The following TMEM242 variants were observed in gnomAD, a reference collection of about 807,000 sequenced individuals.
TMEM242 encodes UPF0463 transmembrane protein C6orf35.
Under a neutral mutation model 18.2 loss-of-function variants are expected in TMEM242, and 10 were observed. That is an observed-to-expected ratio of 0.55 (90% CI 0.34 to 0.93). The LOEUF is 0.93. TMEM242 is among the 40% of genes least tolerant of loss of function. The pLI, the probability that TMEM242 is intolerant of heterozygous loss-of-function variation, is 0.02. For synonymous variants in TMEM242, 57 were observed against 69.9 expected (o/e 0.81, Z 0.92); for missense variants, 186 against 175.5 (o/e 1.06, Z -0.34).
intron 3 of TMEM242, among the ~76,000 whole-genome samples, chr6:157,302,068 C>T (rs1217849465): frequency 6.6e-6 from 1 of 152,188 alleles, no homozygotes; most frequent in Admixed American, 6.5e-5. Context: ...TTTTCCCTAT[C>T]AGTAAGGATC....
chr6:157,317,961 C>T (rs1198530729), intron 3 of TMEM242, among the ~76,000 whole-genome samples: 1 of 152,186 alleles, frequency 6.6e-6, no homozygotes, highest in Non-Finnish European at 1.5e-5. Flanking sequence ...ACAGAACTTC[C>T]AACCAGTTGT....
At chr6:157,300,227 G>C (rs1777809724) in intron 3 of TMEM242, 1 of 414,210 alleles carries the variant, frequency 2.4e-6, no homozygotes, top group African/African-American at 2.0e-5. Context: ...AGCCCTCTGT[G>C]GCGAGTGCGC....
In TMEM242 at chr6:157,299,470, G is replaced by A. The variant is rs1463593347; in HGVS notation, c.328-6471C>T. On this transcript the variant is annotated intron_variant, in intron 3 of 3. Coordinates refer to ENST00000400788, the MANE Select transcript of TMEM242 (RefSeq NM_018452.6). ...TCCATCCGTGGCAGTTTTCAGAGTG[G>A]ATACCAAGCTTTTGTCCAAACAAGA... 1.2e-5 allele frequency: 17 copies of A among 1,395,704 alleles called. No homozygotes were observed. The African/African-American group carries it at 1.3e-4, about 10-fold the overall frequency. The allele number at this position is 1,395,704 out of a possible 1,614,324, so 86.5% of individuals were successfully genotyped here.
intron 3 of TMEM242, among the ~76,000 whole-genome samples, chr6:157,306,988 T>A (rs782607797): frequency 3.3e-5 from 5 of 152,200 alleles, no homozygotes; most frequent in Non-Finnish European, 5.9e-5. Flanking sequence ...TGAGAGAACA[T>A]CATTTTCTGA....
At chr6:157,312,979 C>G (rs1554249548) in intron 3 of TMEM242, among the ~76,000 whole-genome samples, 13 of 151,962 alleles carry the variant, frequency 8.6e-5, no homozygotes, top group African/African-American at 3.1e-4. Flanking sequence ...TCAGTGTGCG[C>G]TCACCTAGCC....
chr6:157,301,240 G>T (rs587651623), intron 3 of TMEM242, among the ~76,000 whole-genome samples: 1 of 152,008 alleles, frequency 6.6e-6, no homozygotes, highest in East Asian at 1.9e-4. Context: ...AGCTCCTCAT[G>T]ATCAGCAAAA....
At position 157,297,389 on chromosome 6, in the gene TMEM242, T is replaced by C. The variant is rs1299888118; in HGVS notation, c.328-4390A>G. On this transcript the variant is annotated intron_variant, in intron 3 of 3. Transcript: ENST00000400788. ...AAAGTTACTTAAAAGCCTCAGGTTA[T>C]GTCCCCAATTTAATTAATTTCAGAA... Among the ~76,000 whole-genome samples the C allele has an allele frequency of 2.6e-5, 4 of 152,232 alleles. No homozygotes were observed. The East Asian group carries it at 7.7e-4, about 29-fold the overall frequency.
chr6:157,310,123 A>C lies in TMEM242; in HGVS notation c.327+8659T>G, dbSNP rs187706548. ...AAAACTCAAGGTAGTCTAGCTATAA[A>C]TAACCTAAACCTCTTCAGAATCCTT... is the stretch of plus-strand genomic sequence containing the variant. On this transcript the variant is annotated intron_variant, in intron 3 of 3. Transcript: ENST00000400788. Among the ~76,000 whole-genome samples, 7 of 152,346 alleles carry C rather than the reference A, an allele frequency of 4.6e-5. No homozygotes were observed. The East Asian group carries it at 1.2e-3, about 25-fold the overall frequency.
chr6:157,323,472 G>A lies in TMEM242; in HGVS notation c.28C>T (p.Gln10Ter), dbSNP rs781894899. 44 of 1,613,866 alleles carry A rather than the reference G, an allele frequency of 2.7e-5. No individual in the cohort carries two copies. The highest frequency in any genetic ancestry group is 1.2e-4 in the South Asian group (11 of 91,082). Residue 10 changes from glutamine (Q) to a stop codon, truncating the protein, a stop_gained, in exon 1 of 4, where the codon CAG (glutamine) becomes TAG (stop). Coordinates refer to ENST00000400788, the MANE Select transcript of TMEM242 (RefSeq NM_018452.6). LOFTEE classifies it high-confidence loss of function. ...GGAGCCTCCAGCCCAGAGGCCGGCT[G>A]CCCAGTTGCAGCGCCCGCTGTCTCC... METAGAATG[Q>*]PASGLEAPGS...
intron 2 of TMEM242, 59 bp downstream of exon 2, chr6:157,322,646 A>G (rs587601464): frequency 4.2e-5 from 61 of 1,440,498 alleles, no homozygotes; most frequent in Non-Finnish European, 5.7e-5. Context: ...TTTCTACGCA[A>G]AAGCTGCCAT....
intron 3 of TMEM242, among the ~76,000 whole-genome samples, chr6:157,298,456 A>G (rs1777780644): frequency 6.6e-6 from 1 of 152,168 alleles, no homozygotes; most frequent in Admixed American, 6.5e-5. Context: ...TCTTAACCAA[A>G]TGATCCTGCT....
chr6:157,313,149 C>T (rs1583571046), intron 3 of TMEM242, among the ~76,000 whole-genome samples: 12 of 126,816 alleles, frequency 9.5e-5, no homozygotes, highest in Admixed American at 1.6e-4. Flanking sequence ...CCAGTGTGCG[C>T]TCACCTGGCC....
intron 3 of TMEM242, among the ~76,000 whole-genome samples, chr6:157,306,757 A>G (rs2128413863): frequency 6.6e-6 from 1 of 152,354 alleles, no homozygotes; most frequent in East Asian, 1.9e-4. Flanking sequence ...ACAACAGCCA[A>G]ACTGGAATCG....
At chr6:157,295,566 G>A (rs1777739306) in intron 3 of TMEM242, among the ~76,000 whole-genome samples, 1 of 152,206 alleles carries the variant, frequency 6.6e-6, no homozygotes, top group African/African-American at 2.4e-5. Context: ...GAAGGGAGAG[G>A]CTGGGAAATG....
rs1349801621 is a variant in TMEM242, at chr6:157,290,005, T to A, written c.*2896A>T. The A allele has an allele frequency of 6.6e-6, 1 of 152,312 alleles. No homozygotes were observed. The highest frequency in any genetic ancestry group is 1.5e-5 in the Non-Finnish European group (1 of 68,102). 9.4% of individuals were successfully genotyped at this position (152,312 alleles called of 1,614,324 possible). A position where few individuals can be genotyped will look rare whatever the true frequency, so the allele number is the denominator to read the frequency against. On this transcript the variant is annotated 3_prime_UTR_variant, in exon 4 of 4. Transcript: ENST00000400788. Reference sequence around the variant, plus strand: ...AGCTCCCGTCCCCCACTTTCCACTCTCAGGTTGTCCTGAACCCACACTTTC... The same window carrying A: ...AGCTCCCGTCCCCCACTTTCCACTCACAGGTTGTCCTGAACCCACACTTTC...
At chr6:157,310,016 C>T (rs1413347540) in intron 3 of TMEM242, among the ~76,000 whole-genome samples, 4 of 152,142 alleles carry the variant, frequency 2.6e-5, no homozygotes, top group Non-Finnish European at 4.4e-5. Flanking sequence ...ACAGACATAG[C>T]GCATACCCCC....
intron 2 of TMEM242, 120 bp downstream of exon 2, chr6:157,322,580 GAGCGT>G (rs1778513028): frequency 1.4e-6 from 1 of 692,928 alleles, no homozygotes; most frequent in East Asian, 2.6e-5. Flanking sequence ...TAGAATCCAT[GAGCGT>G]ATATAAATTC....
At chr6:157,309,104 G>C (rs1777956828) in intron 3 of TMEM242, among the ~76,000 whole-genome samples, 1 of 152,162 alleles carries the variant, frequency 6.6e-6, no homozygotes, top group Non-Finnish European at 1.5e-5. Flanking sequence ...GCTGTGCAAA[G>C]ATGCTCCTGT....
chr6:157,294,177 T>C (rs1777720046), intron 3 of TMEM242, among the ~76,000 whole-genome samples: 1 of 152,082 alleles, frequency 6.6e-6, no homozygotes, highest in Non-Finnish European at 1.5e-5. Context: ...CCCTGATTCA[T>C]CCTGGTTAAT....
Sources: allele counts gnomAD v4.1 joint callset (sites outside exome capture counted in the v4.1 genomes callset), GRCh38; gene constraint gnomAD v4.1.1; transcripts MANE v1.5; gene names NCBI Gene and HGNC (gene_info 2026-07-23, HGNC 2026-07-21).